DNER: variants seen among roughly 807,000 people sequenced by gnomAD.
The protein encoded by DNER is delta/notch like EGF repeat containing, also known as delta and Notch-like epidermal growth factor-related receptor.
In DNER, 33 loss-of-function variants were observed where a neutral mutation model predicts 78.2. The observed-to-expected ratio is 0.42, with a 90% CI of 0.32 to 0.56. DNER has a LOEUF of 0.56. Among genes scored for constraint, DNER ranks in the 20% least tolerant of loss-of-function variants. DNER has a pLI of 0.11. For synonymous variants in DNER, 417 were observed against 384.8 expected, an observed-to-expected ratio of 1.08 and a Z score of -0.98; for missense variants, 918 against 975.3, an observed-to-expected ratio of 0.94 and a Z score of 0.78.
At chr2:229,561,879 C>T (rs936394101) in intron 4 of DNER, among the ~76,000 whole-genome samples, 7 of 152,124 alleles carry the variant, frequency 4.6e-5, no homozygotes, top group African/African-American at 1.4e-4. Flanking sequence ...TATGTTTCTC[C>T]TCTGTGACCA....
At chr2:229,623,885 C>T (rs960762645) in intron 1 of DNER, among the ~76,000 whole-genome samples, 1 of 152,230 alleles carries the variant, frequency 6.6e-6, no homozygotes, top group Non-Finnish European at 1.5e-5. Flanking sequence ...GAATCACATG[C>T]TTCAATGCTT....
At chr2:229,380,689 G>A (rs1004938598) in intron 11 of DNER, among the ~76,000 whole-genome samples, 2 of 152,136 alleles carry the variant, frequency 1.3e-5, no homozygotes, top group Admixed American at 6.5e-5. Flanking sequence ...CACTTTGGGA[G>A]GCCAAGGCAG....
At chr2:229,606,005 T>C (rs1697928705) in intron 1 of DNER, among the ~76,000 whole-genome samples, 1 of 152,176 alleles carries the variant, frequency 6.6e-6, no homozygotes, top group Non-Finnish European at 1.5e-5. Context: ...ATTGAACTGA[T>C]GGCCAGGCCC....
intron 1 of DNER, among the ~76,000 whole-genome samples, chr2:229,661,293 T>C (rs1699006177): frequency 6.6e-6 from 1 of 152,120 alleles, no homozygotes; most frequent in Admixed American, 6.6e-5. Context: ...AAATCTCCTG[T>C]ACACCAGTCC....
chr2:229,628,714 T>C (rs1266675934), intron 1 of DNER, among the ~76,000 whole-genome samples: 1 of 152,094 alleles, frequency 6.6e-6, no homozygotes, highest in East Asian at 1.9e-4. Context: ...CAAGAAGTCA[T>C]CACTGCAACC....
intron 3 of DNER, among the ~76,000 whole-genome samples, chr2:229,587,467 C>T (rs768330858): frequency 5.3e-5 from 8 of 151,998 alleles, no homozygotes; most frequent in Non-Finnish European, 1.0e-4. Flanking sequence ...CTCTTCCAAA[C>T]ATGTTCAGGG....
chr2:229,509,592 T>A (rs1183953810), intron 6 of DNER, among the ~76,000 whole-genome samples: 1 of 152,158 alleles, frequency 6.6e-6, no homozygotes, highest in Non-Finnish European at 1.5e-5. Flanking sequence ...GATGGGTAGA[T>A]CTCCTGAGGT....
intron 5 of DNER, among the ~76,000 whole-genome samples, chr2:229,535,168 C>A (rs1404428471): frequency 6.6e-6 from 1 of 152,158 alleles, no homozygotes; most frequent in African/African-American, 2.4e-5. Context: ...TAATTTAATG[C>A]ATTAAATATC....
At chr2:229,629,542 C>T (rs1698399792) in intron 1 of DNER, among the ~76,000 whole-genome samples, 1 of 152,148 alleles carries the variant, frequency 6.6e-6, no homozygotes, top group South Asian at 2.1e-4. Context: ...AGTGAGTCAG[C>T]CCTTAAAAGA....
intron 6 of DNER, among the ~76,000 whole-genome samples, chr2:229,506,295 T>C (rs11897886): frequency 1.3e-5 from 2 of 151,940 alleles, no homozygotes; most frequent in African/African-American, 4.8e-5. Context: ...AAAACCATTA[T>C]AAAACCATCA....
intron 1 of DNER, among the ~76,000 whole-genome samples, chr2:229,644,566 C>T (rs1305896042): frequency 6.6e-6 from 1 of 152,100 alleles, no homozygotes; most frequent in African/African-American, 2.4e-5. Flanking sequence ...AAGCTGGTCT[C>T]TACCTCCTGA....
At chr2:229,541,346 G>T (rs1301494896) in intron 5 of DNER, among the ~76,000 whole-genome samples, 1 of 152,154 alleles carries the variant, frequency 6.6e-6, no homozygotes, top group African/African-American at 2.4e-5. Context: ...TCTTGTGGTG[G>T]TTAATTTTAT....
intron 1 of DNER, among the ~76,000 whole-genome samples, chr2:229,648,002 A>G (rs1698749928): frequency 6.6e-6 from 1 of 152,232 alleles, no homozygotes. Flanking sequence ...TAAGGAGAAA[A>G]CAACTAAAGA....
chr2:229,387,243 A>G (rs954914070), intron 11 of DNER, among the ~76,000 whole-genome samples: 8 of 152,002 alleles, frequency 5.3e-5, no homozygotes, highest in African/African-American at 1.9e-4. Context: ...ACCAAACACC[A>G]CATGTTCTCA....
At chr2:229,512,616 T>C (rs1041832492) in intron 6 of DNER, among the ~76,000 whole-genome samples, 167 bp downstream of exon 6, 8 of 152,090 alleles carry the variant, frequency 5.3e-5, no homozygotes, top group African/African-American at 1.9e-4. Flanking sequence ...GGGTTCAGTG[T>C]ATACTACTTG....
At chr2:229,547,201 C>T in intron 4 of DNER, 109 bp from the exon 5 acceptor site, 1 of 1,451,408 alleles carries the variant, frequency 6.9e-7, no homozygotes, top group Admixed American at 2.2e-5. Flanking sequence ...TTAGTGTAGG[C>T]AGCACTCAAG....
chr2:229,492,318 G>C (rs1695418237), intron 6 of DNER, among the ~76,000 whole-genome samples: 1 of 152,202 alleles, frequency 6.6e-6, no homozygotes, highest in African/African-American at 2.4e-5. Flanking sequence ...GACGTACCAT[G>C]TCTCACTAGC....
At chr2:229,480,107 C>A (rs1376215628) in intron 6 of DNER, among the ~76,000 whole-genome samples, 1 of 152,190 alleles carries the variant, frequency 6.6e-6, no homozygotes, top group African/African-American at 2.4e-5. Context: ...CTTCAAAGTT[C>A]TTTCAATAAA....
At chr2:229,583,215 A>G (rs1053739432) in intron 4 of DNER, among the ~76,000 whole-genome samples, 1 of 152,222 alleles carries the variant, frequency 6.6e-6, no homozygotes, top group African/African-American at 2.4e-5. Flanking sequence ...CTCAACTTGC[A>G]GTGAGGTCAT....
Sources: allele counts gnomAD v4.1 joint callset (sites outside exome capture counted in the v4.1 genomes callset), GRCh38; gene constraint gnomAD v4.1.1; transcripts MANE v1.5; gene names NCBI Gene and HGNC (gene_info 2026-07-23, HGNC 2026-07-21).